UGT8: variants seen among roughly 807,000 people sequenced by gnomAD.
The protein encoded by UGT8 is 2-hydroxyacylsphingosine 1-beta-galactosyltransferase.
UGT8 carries 12 observed loss-of-function variants against 40.5 expected under a neutral mutation model. The observed-to-expected ratio is 0.30, with a 90% CI of 0.19 to 0.48. The LOEUF is 0.48. UGT8 is among the 20% of genes least tolerant of loss of function. UGT8 has a pLI of 0.99. For missense variants in UGT8, 513 were observed against 648.7 expected (o/e 0.79, Z 2.27); for synonymous variants, 224 against 240.4 (o/e 0.93, Z 0.63).
chr4:114,642,066 G>A (rs961526441), intron 2 of UGT8, among the ~76,000 whole-genome samples: 5 of 152,098 alleles, frequency 3.3e-5, no homozygotes, highest in Non-Finnish European at 7.4e-5. Flanking sequence ...GTTGAGATGG[G>A]AATTAGTGCT....
chr4:114,644,329 G>A (rs1270625732), intron 2 of UGT8, among the ~76,000 whole-genome samples: 10 of 152,174 alleles, frequency 6.6e-5, no homozygotes, highest in Admixed American at 6.5e-4. Context: ...GATGCTGGCA[G>A]TCAGACCTAC....
intron 4 of UGT8, among the ~76,000 whole-genome samples, chr4:114,666,335 CAAAATT>C (rs2126134195): frequency 6.6e-6 from 1 of 152,054 alleles, no homozygotes; most frequent in Admixed American, 6.5e-5. Flanking sequence ...TTTTGATTCT[CAAAATT>C]AAAATAGTAA....
intron 2 of UGT8, among the ~76,000 whole-genome samples, chr4:114,628,051 A>G (rs552767204): frequency 9.2e-5 from 14 of 152,336 alleles, no homozygotes; most frequent in African/African-American, 3.4e-4. Flanking sequence ...TAATATTATA[A>G]CTATCATCTG....
intron 2 of UGT8, among the ~76,000 whole-genome samples, chr4:114,660,972 A>G (rs1013722326): frequency 1.3e-5 from 2 of 151,844 alleles, no homozygotes; most frequent in Admixed American, 6.6e-5. Flanking sequence ...ATAGAACCTC[A>G]TATTTTTTTC....
At chr4:114,654,073 A>G (rs746200054) in intron 2 of UGT8, among the ~76,000 whole-genome samples, 1 of 152,094 alleles carries the variant, frequency 6.6e-6, no homozygotes, top group Non-Finnish European at 1.5e-5. Context: ...TTATTTTGGA[A>G]ATTAATTTGG....
chr4:114,620,633 G>A (rs6831624), intron 1 of UGT8, among the ~76,000 whole-genome samples: 7,703 of 152,134 alleles, frequency 0.051, 407 homozygotes, highest in African/African-American at 0.13. Context: ...TGTTTGTAAT[G>A]TGCATTACTT....
At chr4:114,623,838 C>T in intron 2 of UGT8, 136 bp downstream of exon 2, 3 of 1,225,492 alleles carry the variant, frequency 2.4e-6, no homozygotes, top group Non-Finnish European at 3.2e-6. Flanking sequence ...CATGGGGCCT[C>T]CAAAGTCCCT....
At chr4:114,653,703 G>C (rs752325239) in intron 2 of UGT8, among the ~76,000 whole-genome samples, 1 of 151,984 alleles carries the variant, frequency 6.6e-6, no homozygotes, top group South Asian at 2.1e-4. Context: ...AGAGAAAACT[G>C]GGCTACAATT....
chr4:114,607,410 G>A (rs374583513), intron 1 of UGT8, among the ~76,000 whole-genome samples: 8 of 152,036 alleles, frequency 5.3e-5, no homozygotes, highest in Non-Finnish European at 1.0e-4. Context: ...CCTGCTCCTT[G>A]AGAGTTCCTT....
At chr4:114,668,908 C>T (rs1179590765) in intron 5 of UGT8, among the ~76,000 whole-genome samples, 1 of 152,096 alleles carries the variant, frequency 6.6e-6, no homozygotes, top group African/African-American at 2.4e-5. Context: ...GCTAGTTCAC[C>T]AATGAGTCTC....
intron 2 of UGT8, among the ~76,000 whole-genome samples, chr4:114,633,204 T>A (rs1732686354): frequency 6.6e-6 from 1 of 152,226 alleles, no homozygotes; most frequent in African/African-American, 2.4e-5. Flanking sequence ...GAGCTAGCAA[T>A]GTTAAGTGCA....
intron 5 of UGT8, among the ~76,000 whole-genome samples, chr4:114,675,365 C>T (rs1735559736): frequency 6.6e-6 from 1 of 152,134 alleles, no homozygotes; most frequent in African/African-American, 2.4e-5. Flanking sequence ...TTCTGGGTCT[C>T]AACTTTGTAA....
chr4:114,618,978 T>G (rs1427763531), intron 1 of UGT8, among the ~76,000 whole-genome samples: 1 of 152,150 alleles, frequency 6.6e-6, no homozygotes, highest in Non-Finnish European at 1.5e-5. Context: ...CATGTAGAAT[T>G]CTTGGGCTAA....
At chr4:114,602,499 T>C (rs1287645378) in intron 1 of UGT8, among the ~76,000 whole-genome samples, 1 of 152,236 alleles carries the variant, frequency 6.6e-6, no homozygotes, top group African/African-American at 2.4e-5. Context: ...TAATCATATC[T>C]CCTTAATCTG....
chr4:114,602,086 C>A (rs1183530609), intron 1 of UGT8, among the ~76,000 whole-genome samples: 1 of 151,874 alleles, frequency 6.6e-6, no homozygotes, highest in East Asian at 1.9e-4. Flanking sequence ...TTTTAATGTA[C>A]CTTTTATAGA....
chr4:114,632,917 T>G (rs1297803843), intron 2 of UGT8, among the ~76,000 whole-genome samples: 1 of 152,234 alleles, frequency 6.6e-6, no homozygotes, highest in Admixed American at 6.5e-5. Flanking sequence ...TTCCAGACTT[T>G]TTATCAGTGA....
chr4:114,607,708 A>G (rs1010619622), intron 1 of UGT8, among the ~76,000 whole-genome samples: 4 of 152,166 alleles, frequency 2.6e-5, no homozygotes, highest in Admixed American at 2.6e-4. Flanking sequence ...GTCTTCGAAG[A>G]CAGATTTTGG....
chr4:114,623,225 C>A lies in UGT8; in HGVS notation c.345C>A (p.Asp115Glu). 1 of 1,614,152 alleles carries A rather than the reference C, an allele frequency of 6.2e-7. No individual in the cohort carries two copies. The highest frequency in any genetic ancestry group is 8.5e-7 in the Non-Finnish European group (1 of 1,180,030). The change falls in exon 2 of 6, where the codon GAC (aspartate) becomes GAA (glutamate). Residue 115 changes from aspartate (D) to glutamate (E), a missense_variant. Transcript: ENST00000310836. ...TGGATCACTATACTAAGAACTGTGA[C>A]CTGATGGTTGGCAACCATGCCCTGA... The part of the protein sequence containing the change: ...DILDHYTKNC[D>E]LMVGNHALIQ...
chr4:114,656,288 GT>G (rs200487351), intron 2 of UGT8, among the ~76,000 whole-genome samples: 3 of 149,086 alleles, frequency 2.0e-5, no homozygotes, highest in Non-Finnish European at 3.0e-5. Flanking sequence ...TTTTGTTTTT[GT>G]TTTTTTTTCT....
Sources: gnomAD v4.1 joint callset for allele counts (sites outside exome capture counted in the v4.1 genomes callset) on GRCh38, gnomAD v4.1.1 for gene constraint, MANE v1.5 for transcripts, NCBI Gene and HGNC (gene_info 2026-07-23, HGNC 2026-07-21) for gene names.